Variants in ZFHX4 observed in about 807,000 individuals in gnomAD.
ZFHX4 encodes the protein zinc finger homeobox protein 4.
Under a neutral mutation model 267.6 loss-of-function variants are expected in ZFHX4, and 56 were observed. The ratio of observed to expected loss-of-function variants is 0.21; its 90% CI spans 0.17 to 0.26. The LOEUF is 0.26. ZFHX4 is among the 10% of genes least tolerant of loss of function. The probability of loss-of-function intolerance (pLI) is 1.00; values close to 1 mark genes in which losing one functional copy is unlikely to be tolerated. For synonymous variants in ZFHX4, 1,778 were observed against 1,665.6 expected (o/e 1.07, Z -1.64); for missense variants, 4,332 against 4,420.0 (o/e 0.98, Z 0.56).
At chr8:76,777,478 CT>C (rs1290335716) in intron 3 of ZFHX4, among the ~76,000 whole-genome samples, 1 of 152,066 alleles carries the variant, frequency 6.6e-6, no homozygotes, top group Non-Finnish European at 1.5e-5. Context: ...AGTTACTTAA[CT>C]TTTTAGTGTA....
rs758293077 is a variant in ZFHX4, at chr8:76,854,861, G to A, written c.7940G>A (p.Arg2647Lys). ...HIAREVGLKK[R>K]VVQVWFQNTR... ...GCCCGCGAAGTCGGGCTGAAAAAAA[G>A]GGTCGTGCAAGTCTGGTTCCAGAAT... Residue 2647 changes from arginine (R) to lysine (K), a missense_variant, in exon 10 of 11, where the codon AGG becomes AAG. Arg to Lys is a conservative substitution (Grantham distance 26). Around this residue, in one of 7 missense-constraint regions of ZFHX4, gnomAD observed 1,648 missense variants for 1,625.0 expected, o/e 1.01. Transcript: ENST00000651372. 2 of 1,609,798 alleles carry A rather than the reference G, an allele frequency of 1.2e-6. No homozygotes were observed. Among genetic ancestry groups the A allele is most frequent in the Non-Finnish European group, 1.7e-6 (2 of 1,178,596 alleles).
chr8:76,800,426 G>A (rs139222089), intron 4 of ZFHX4, among the ~76,000 whole-genome samples: 7 of 152,256 alleles, frequency 4.6e-5, no homozygotes, highest in African/African-American at 1.4e-4. Flanking sequence ...CGAACTGAAA[G>A]GTTCATTACA....
chr8:76,786,066 C>A (rs568089167), intron 4 of ZFHX4, among the ~76,000 whole-genome samples: 1 of 152,188 alleles, frequency 6.6e-6, no homozygotes, highest in Admixed American at 6.5e-5. Context: ...GGAAACTGAG[C>A]TTTAGAGAGG....
At chr8:76,802,567 T>C (rs755671996) in intron 4 of ZFHX4, among the ~76,000 whole-genome samples, 17 of 152,204 alleles carry the variant, frequency 1.1e-4, no homozygotes, top group Non-Finnish European at 2.5e-4. Flanking sequence ...AAACCCAAGA[T>C]GCCATTTGAA....
intron 3 of ZFHX4, among the ~76,000 whole-genome samples, chr8:76,747,005 T>C (rs1809476390): frequency 6.6e-6 from 1 of 152,232 alleles, no homozygotes; most frequent in African/African-American, 2.4e-5. Flanking sequence ...TTTCTTATAT[T>C]TTCTTTTTAA....
At chr8:76,747,111 C>T (rs1356383371) in intron 3 of ZFHX4, among the ~76,000 whole-genome samples, 3 of 152,076 alleles carry the variant, frequency 2.0e-5, no homozygotes, top group Non-Finnish European at 2.9e-5. Flanking sequence ...AAAAAAATGA[C>T]TATATTTATG....
intron 2 of ZFHX4, 136 bp downstream of exon 2, chr8:76,706,814 A>G: frequency 1.0e-6 from 1 of 999,532 alleles, no homozygotes; most frequent in Non-Finnish European, 1.4e-6. Context: ...TTTAAGCTGG[A>G]TAATCAAACC....
Position 76,852,328 on chromosome 8 carries a change from T to G in ZFHX4, c.5407T>G (p.Tyr1803Asp), listed in dbSNP as rs748105335. ...LQILQQQAQQ[Y>D]QATQPQLQPQ... ...GATACTACAGCAACAAGCACAACAA[T>G]ACCAAGCCACACAGCCCCAGCTGCA... Residue 1803 changes from tyrosine (Y) to aspartate (D), a missense_variant, in exon 10 of 11, where the codon TAC (tyrosine) becomes GAC (aspartate). This residue lies in a region of ZFHX4 where 1,371 missense variants were observed against 1,423.1 expected (regional missense o/e 0.96). Transcript: ENST00000651372. The G allele has an allele frequency of 1.2e-5, 18 of 1,553,874 alleles. No homozygotes were observed. The highest frequency in any genetic ancestry group is 1.7e-6 in the Non-Finnish European group (2 of 1,148,178).
chr8:76,692,893 T>C (rs745754300), intron 1 of ZFHX4, among the ~76,000 whole-genome samples: 2 of 152,206 alleles, frequency 1.3e-5, no homozygotes, highest in Non-Finnish European at 2.9e-5. Context: ...AATAAAAGTG[T>C]GTGCATGGCC....
intron 4 of ZFHX4, among the ~76,000 whole-genome samples, chr8:76,804,325 TA>T (rs1811193454): frequency 6.6e-6 from 1 of 152,124 alleles, no homozygotes. Flanking sequence ...AAAAACTATA[TA>T]AGACAATGTA....
chr8:76,697,987 G>A (rs1808003220), intron 1 of ZFHX4, among the ~76,000 whole-genome samples: 1 of 151,978 alleles, frequency 6.6e-6, no homozygotes, highest in Non-Finnish European at 1.5e-5. Flanking sequence ...GCAAACAACA[G>A]CTTTCTAGTA....
intron 4 of ZFHX4, among the ~76,000 whole-genome samples, chr8:76,816,750 C>A (rs1398597424): frequency 6.6e-6 from 1 of 152,004 alleles, no homozygotes; most frequent in Non-Finnish European, 1.5e-5. Flanking sequence ...CGCCTGCAAC[C>A]ATGCCCGGCT....
Position 76,707,902 on chromosome 8 carries a change from A to T in ZFHX4, c.2947A>T (p.Ser983Cys), listed in dbSNP as rs1440098799. 6.2e-7 allele frequency: 1 copy of T among 1,614,068 alleles called. No individual in the cohort carries two copies. The highest frequency in any genetic ancestry group is 1.3e-5 in the African/African-American group (1 of 75,054). ...LVAHIKEGGK[S>C]NEWRLKCIAI... is the part of the protein sequence containing the mutation. ...GGCTCACATTAAAGAAGGGGGCAAA[A>T]GCAATGAGTGGAGGTTGAAGTGTAT... Residue 983 changes from serine (S) to cysteine (C), a missense_variant, in exon 3 of 11, where the codon AGC (serine) becomes TGC (cysteine). Transcript: ENST00000651372.
At chr8:76,728,780 T>C (rs1214850132) in intron 3 of ZFHX4, among the ~76,000 whole-genome samples, 1 of 152,182 alleles carries the variant, frequency 6.6e-6, no homozygotes, top group African/African-American at 2.4e-5. Context: ...ATGGAAGTGA[T>C]TACCCTGAAT....
chr8:76,839,354 T>C (rs1380872042), intron 5 of ZFHX4, among the ~76,000 whole-genome samples: 2 of 152,180 alleles, frequency 1.3e-5, no homozygotes, highest in Non-Finnish European at 2.9e-5. Flanking sequence ...AAGTTTGTTG[T>C]AACATTTCTA....
At position 76,852,850 on chromosome 8, in the gene ZFHX4, G is replaced by T. The variant is rs73239807; in HGVS notation, c.5929G>T (p.Ala1977Ser). ...HVHGQFFPYA[A>S]LEKFARQYRE... ...ACATGGGCAATTTTTTCCATATGCA[G>T]CGCTAGAAAAATTTGCTCGTCAATA... Residue 1977 changes from alanine (A) to serine (S), a missense_variant, in exon 10 of 11, where the codon GCG (alanine) becomes TCG (serine). Physicochemically the swap from Ala to Ser is moderately conservative, Grantham distance 99. Coordinates refer to ENST00000651372, the MANE Select transcript of ZFHX4 (RefSeq NM_024721.5). The T allele has an allele frequency of 7.6e-4, 1,231 of 1,613,740 alleles. 12 individuals are homozygous for T. In the African/African-American group the frequency reaches 0.015, roughly 19 times the overall value.
intron 1 of ZFHX4, among the ~76,000 whole-genome samples, chr8:76,698,311 A>G (rs1255907387): frequency 2.0e-5 from 3 of 152,174 alleles, no homozygotes; most frequent in Non-Finnish European, 4.4e-5. Flanking sequence ...AATGAGTCAT[A>G]TAATAGTGTA....
intron 3 of ZFHX4, among the ~76,000 whole-genome samples, chr8:76,766,885 C>T (rs1229885179): frequency 6.6e-6 from 1 of 151,932 alleles, no homozygotes; most frequent in Admixed American, 6.6e-5. Context: ...AAGAGACAGT[C>T]TGCAACATTC....
At chr8:76,769,375 G>A (rs1439030268) in intron 3 of ZFHX4, among the ~76,000 whole-genome samples, 1 of 150,088 alleles carries the variant, frequency 6.7e-6, no homozygotes, top group African/African-American at 2.5e-5. Flanking sequence ...TTTAAGACAG[G>A]GTCTTGCTCT....
Sources: gnomAD v4.1 joint callset for allele counts (sites outside exome capture counted in the v4.1 genomes callset) on GRCh38, gnomAD v4.1.1 for gene constraint, gnomAD v4.1.1 regional missense constraint, MANE v1.5 for transcripts, NCBI Gene and HGNC (gene_info 2026-07-23, HGNC 2026-07-21) for gene names.